ACSM1: variants seen among roughly 807,000 people sequenced by gnomAD.
The protein encoded by ACSM1 is acyl-CoA synthetase medium chain family member 1.
In ACSM1, 79 loss-of-function variants were observed where a neutral mutation model predicts 75.8. That is an observed-to-expected ratio of 1.04 (90% CI 0.87 to 1.26). ACSM1 has a LOEUF of 1.26. ACSM1 is among the 50% of genes most tolerant of loss of function. ACSM1 has a pLI of 0.00. For synonymous variants in ACSM1, 279 were observed against 265.8 expected (o/e 1.05, Z -0.48); for missense variants, 676 against 720.1 (o/e 0.94, Z 0.70).
chr16:20,672,382 G>A (rs531984858), intron 4 of ACSM1, among the ~76,000 whole-genome samples: 3 of 135,192 alleles, frequency 2.2e-5, no homozygotes, highest in Non-Finnish European at 4.6e-5. Context: ...CTGGGAGGCT[G>A]AGCTTGCAGT....
rs377043225 is a variant in ACSM1, at chr16:20,690,983, G to A, written c.192+14C>T. On this transcript the variant is annotated intron_variant, in intron 2 of 13. Coordinates refer to ENST00000520010, the MANE Select transcript of ACSM1 (RefSeq NM_001318890.3). ...ACCCTTGTTCTTATATCGCCATCAC[G>A]GCAGATCTCTTACCTTCTCCTTTTG... The A allele has an allele frequency of 4.2e-5, 68 of 1,604,198 alleles. No individual in the cohort carries two copies. Among genetic ancestry groups the A allele is most frequent in the East Asian group, 2.0e-4 (9 of 44,300 alleles).
chr16:20,688,084 CAAA>C (rs34719963), intron 2 of ACSM1, among the ~76,000 whole-genome samples: 4 of 95,444 alleles, frequency 4.2e-5, no homozygotes, highest in African/African-American at 3.9e-5. Flanking sequence ...AACTCTGTCT[CAAA>C]AAAAAAAAAA....
chr16:20,624,032 C>T, intron 13 of ACSM1, 64 bp downstream of exon 13: 1 of 1,592,852 alleles, frequency 6.3e-7, no homozygotes, highest in Non-Finnish European at 8.6e-7. Flanking sequence ...TCCAGTGATA[C>T]CTAGCCCGTC....
At chr16:20,689,526 A>T (rs890163304) in intron 2 of ACSM1, among the ~76,000 whole-genome samples, 11 of 149,860 alleles carry the variant, frequency 7.3e-5, no homozygotes, top group East Asian at 3.9e-4. Flanking sequence ...CAGAATGGAT[A>T]AAAAAAAAAT....
chr16:20,668,385 G>A (rs910486960), intron 6 of ACSM1, among the ~76,000 whole-genome samples: 1 of 152,178 alleles, frequency 6.6e-6, no homozygotes, highest in African/African-American at 2.4e-5. Flanking sequence ...TTAGGCATGA[G>A]GATGGGAAGG....
chr16:20,630,063 T>C (rs943971261), intron 10 of ACSM1, among the ~76,000 whole-genome samples: 12 of 150,614 alleles, frequency 8.0e-5, no homozygotes, highest in African/African-American at 2.9e-4. Flanking sequence ...CTGTGAATTG[T>C]AACCAAAAGA....
chr16:20,685,401 C>T lies in ACSM1; in HGVS notation c.195G>A (p.Glu65=). Residue 65 remains glutamate (E), a splice_region_variant and synonymous_variant, in exon 3 of 14, where the codon GAG becomes GAA. Coordinates refer to ENST00000520010, the MANE Select transcript of ACSM1 (RefSeq NM_001318890.3). The stretch of plus-strand genomic sequence containing the variant: ...AAGCTGGATTTGGACCTCTCTTGCC[C>T]TCCTGGTCAAGACCATATATTATGT... The part of the protein sequence containing the change: ...VLDYWAQKEK[E]GKRGPNPAFW... 1 of 1,614,128 alleles carries T rather than the reference C, an allele frequency of 6.2e-7. No individual in the cohort carries two copies. Among genetic ancestry groups the T allele is most frequent in the Non-Finnish European group, 8.5e-7 (1 of 1,179,988 alleles).
In ACSM1 at chr16:20,682,539, C is replaced by G. The variant is rs537607064; in HGVS notation, c.404-76G>C. 10 of 1,148,954 alleles carry G rather than the reference C, an allele frequency of 8.7e-6. No individual in the cohort carries two copies. In the African/African-American group the frequency reaches 1.4e-4, roughly 16 times the overall value. 71.2% of individuals were successfully genotyped at this position (1,148,954 alleles called of 1,614,324 possible). A position where few individuals can be genotyped will look rare whatever the true frequency, so the allele number is the denominator to read the frequency against. On this transcript the variant is annotated intron_variant, in intron 3 of 13. Coordinates refer to ENST00000520010, the MANE Select transcript of ACSM1 (RefSeq NM_001318890.3). ...GGCTTTAGACTTGGCTTGTCTGCAT[C>G]GAAATACCCTAACTTCTTGTTATGT... is the stretch of plus-strand genomic sequence containing the variant.
In ACSM1 at chr16:20,637,415, TGA is replaced by T; in HGVS notation, c.1151_1152del (p.Ile384LysfsTer18). 1 of 1,614,116 alleles carries T rather than the reference TGA, an allele frequency of 6.2e-7. No individual in the cohort carries two copies. Among genetic ancestry groups the T allele is most frequent in the Non-Finnish European group, 8.5e-7 (1 of 1,179,994 alleles). On this transcript the variant is annotated frameshift_variant, in exon 9 of 14. Coordinates refer to ENST00000520010, the MANE Select transcript of ACSM1 (RefSeq NM_001318890.3). LOFTEE classifies it high-confidence loss of function. Reference sequence around the variant, plus strand: ...GTGGCCTTCCCCATGAAACCCGGCTTGATCTTCATTCCCCAGTAGGTGGCACA... The same window carrying T: ...GTGGCCTTCCCCATGAAACCCGGCTTTCTTCATTCCCCAGTAGGTGGCACA... ...LICATYWGMK[I>X]KPGFMGKATP... is the part of the protein sequence containing the mutation.
intron 3 of ACSM1, among the ~76,000 whole-genome samples, chr16:20,683,615 T>A (rs182065126): frequency 1.3e-5 from 2 of 150,366 alleles, no homozygotes; most frequent in East Asian, 2.0e-4. Context: ...TCCTCTTTAA[T>A]TCTTCTTAGC....
At chr16:20,651,587 C>T (rs1001912891) in intron 7 of ACSM1, among the ~76,000 whole-genome samples, 1 of 152,018 alleles carries the variant, frequency 6.6e-6, no homozygotes, top group African/African-American at 2.4e-5. Context: ...TGAGATTGTG[C>T]CACTCTAGCC....
At chr16:20,627,049 T>G (rs2016967590) in intron 11 of ACSM1, 140 bp downstream of exon 11, 4 of 1,172,568 alleles carry the variant, frequency 3.4e-6, no homozygotes, top group African/African-American at 1.6e-5. Flanking sequence ...TACTGAAGCC[T>G]GGAATCAGGG....
intron 2 of ACSM1, among the ~76,000 whole-genome samples, chr16:20,687,902 G>A (rs1024443709): frequency 2.2e-4 from 34 of 152,020 alleles, no homozygotes; most frequent in African/African-American, 6.3e-4. Flanking sequence ...TGGCCAACAC[G>A]GCAAAACCCC....
intron 4 of ACSM1, chr16:20,674,226 C>T (rs1245624782): frequency 3.1e-6 from 1 of 318,198 alleles, no homozygotes. Context: ...CTGCCTGTTT[C>T]TCTGTCTGTG....
At chr16:20,625,745 T>C (rs1054717795) in intron 11 of ACSM1, among the ~76,000 whole-genome samples, 1 of 152,222 alleles carries the variant, frequency 6.6e-6, no homozygotes, top group Non-Finnish European at 1.5e-5. Context: ...CCTCACTGCC[T>C]GTACTGATGG....
chr16:20,655,620 T>C (rs1323250764), intron 7 of ACSM1, among the ~76,000 whole-genome samples: 2 of 152,126 alleles, frequency 1.3e-5, no homozygotes, highest in African/African-American at 4.8e-5. Flanking sequence ...AACTAATTGG[T>C]TAAAGCAAGA....
At chr16:20,643,194 C>G (rs2018160915) in intron 7 of ACSM1, among the ~76,000 whole-genome samples, 1 of 152,204 alleles carries the variant, frequency 6.6e-6, no homozygotes, top group Admixed American at 6.5e-5. Flanking sequence ...AGCCCTTTTC[C>G]AGAAAGCCTG....
At chr16:20,690,013 G>C (rs2079624161) in intron 2 of ACSM1, among the ~76,000 whole-genome samples, 1 of 152,196 alleles carries the variant, frequency 6.6e-6, no homozygotes. Context: ...ATGATTAAAT[G>C]CAAGGTGATT....
Position 20,637,352 on chromosome 16 carries a change from A to C in ACSM1, c.1197+19T>G. ...CGCTGAGCCCTAACTGCTCCCTGCC[A>C]ATGCCCTTAGGACCAGACCTGGACG... On this transcript the variant is annotated intron_variant, in intron 9 of 13. Coordinates refer to ENST00000520010, the MANE Select transcript of ACSM1 (RefSeq NM_001318890.3). The C allele has an allele frequency of 1.9e-6, 3 of 1,611,708 alleles. No individual in the cohort carries two copies. Among genetic ancestry groups the C allele is most frequent in the Non-Finnish European group, 2.5e-6 (3 of 1,177,856 alleles).
Sources: gnomAD v4.1 joint callset for allele counts (sites outside exome capture counted in the v4.1 genomes callset) on GRCh38, gnomAD v4.1.1 for gene constraint, MANE v1.5 for transcripts, NCBI Gene and HGNC (gene_info 2026-07-23, HGNC 2026-07-21) for gene names.